The following GALNT13 variants were observed in gnomAD, a reference collection of about 807,000 sequenced individuals.
The protein encoded by GALNT13 is UDP-GalNAc:polypeptide N-acetylgalactosaminyltransferase 13.
GALNT13 carries 28 observed loss-of-function variants against 64.2 expected under a neutral mutation model. The observed-to-expected ratio is 0.44, with a 90% CI of 0.32 to 0.60. The LOEUF is 0.60. GALNT13 is among the 20% of genes least tolerant of loss of function. The pLI is 0.05. For synonymous variants in GALNT13, 214 were observed against 224.6 expected (o/e 0.95, Z 0.42); for missense variants, 577 against 669.8 (o/e 0.86, Z 1.53).
chr2:153,706,736 A>T, the GALNT13 span, among the ~76,000 whole-genome samples: 1 of 152,202 alleles, frequency 6.6e-6, no homozygotes, highest in Admixed American at 6.5e-5. Flanking sequence ...TCCATTTCAA[A>T]TTGCAATTGT....
the GALNT13 span, among the ~76,000 whole-genome samples, chr2:153,569,264 C>T: frequency 0.92 from 139,221 of 152,108 alleles, 63,771 homozygotes; most frequent in Admixed American, 0.93. Context: ...CCAGCCTGTA[C>T]GTTCATGTTA....
At chr2:153,629,391 G>T in the GALNT13 span, among the ~76,000 whole-genome samples, 1 of 151,198 alleles carries the variant, frequency 6.6e-6, no homozygotes, top group Non-Finnish European at 1.5e-5. Context: ...AAAACAAGCA[G>T]TGGGGAAAGG....
chr2:153,612,110 C>T, the GALNT13 span, among the ~76,000 whole-genome samples: 22 of 152,144 alleles, frequency 1.4e-4, no homozygotes, highest in Admixed American at 9.2e-4. Context: ...ATATCATTGA[C>T]GGGCATTTGG....
chr2:153,717,577 A>G, the GALNT13 span, among the ~76,000 whole-genome samples: 3 of 152,360 alleles, frequency 2.0e-5, no homozygotes, highest in South Asian at 2.1e-4. Context: ...TATTGCTTAT[A>G]TAAGACAACA....
chr2:153,350,327 G>C, the GALNT13 span, among the ~76,000 whole-genome samples: 348 of 151,556 alleles, frequency 2.3e-3, 2 homozygotes, highest in African/African-American at 8.1e-3. Context: ...ACTTTTTATA[G>C]CTGCATGCAT....
At chr2:153,274,779 C>T in the GALNT13 span, among the ~76,000 whole-genome samples, 1 of 152,208 alleles carries the variant, frequency 6.6e-6, no homozygotes, top group Non-Finnish European at 1.5e-5. Context: ...TCACCTACTT[C>T]CAGTTGTTTT....
the GALNT13 span, among the ~76,000 whole-genome samples, chr2:153,158,089 G>A: frequency 6.6e-6 from 1 of 152,026 alleles, no homozygotes; most frequent in Non-Finnish European, 1.5e-5. Flanking sequence ...ACAAGCCATA[G>A]GTCTTTTTAA....
intron 11 of GALNT13, among the ~76,000 whole-genome samples, chr2:154,417,546 T>A (rs988651552): frequency 5.2e-5 from 7 of 135,084 alleles, no homozygotes; most frequent in Admixed American, 8.2e-5. Flanking sequence ...AGTCTTGCTC[T>A]GTTGCCCAGG....
At chr2:153,345,667 C>CT in the GALNT13 span, among the ~76,000 whole-genome samples, 1 of 139,062 alleles carries the variant, frequency 7.2e-6, no homozygotes, top group Admixed American at 7.4e-5. Flanking sequence ...TTCTTTCTTT[C>CT]TTTCTTTCTT....
the GALNT13 span, among the ~76,000 whole-genome samples, chr2:153,157,015 A>AAT: frequency 6.6e-6 from 1 of 152,176 alleles, no homozygotes; most frequent in South Asian, 2.1e-4. Flanking sequence ...TAGTGAACTC[A>AAT]ATAGGTAGAA....
intron 7 of GALNT13, among the ~76,000 whole-genome samples, chr2:154,254,871 G>A (rs530077493): frequency 6.6e-6 from 1 of 152,258 alleles, no homozygotes; most frequent in Admixed American, 6.5e-5. Flanking sequence ...TGAATGATCT[G>A]ATCTTACCCA....
At chr2:154,288,420 T>G (rs1692404138) in intron 8 of GALNT13, among the ~76,000 whole-genome samples, 1 of 152,062 alleles carries the variant, frequency 6.6e-6, no homozygotes, top group African/African-American at 2.4e-5. Context: ...AAACCAATCA[T>G]GCCTTCCCAA....
chr2:154,175,053 A>G (rs1325649462), intron 4 of GALNT13, among the ~76,000 whole-genome samples: 1 of 152,158 alleles, frequency 6.6e-6, no homozygotes, highest in Non-Finnish European at 1.5e-5. Context: ...TGAGCAAATA[A>G]TGCATAATAT....
chr2:153,745,149 C>A, the GALNT13 span, among the ~76,000 whole-genome samples: 1 of 151,968 alleles, frequency 6.6e-6, no homozygotes, highest in South Asian at 2.1e-4. Context: ...AAGAGGACAC[C>A]AAACAGAATA....
At position 154,092,009 on chromosome 2, in the gene GALNT13, C is replaced by G. The variant is rs147252426; in HGVS notation, c.143-48328C>G. Among the ~76,000 whole-genome samples, 750 of 147,662 alleles carry G rather than the reference C, an allele frequency of 5.1e-3. 5 individuals are homozygous for G. The highest frequency in any genetic ancestry group is 0.017 in the African/African-American group (663 of 39,946). ...ATAGGCAAAAGCCCCATCTGGCAAC[C>G]GTGTTACTACAAGCTAAGTACAGAG... On this transcript the variant is annotated intron_variant, in intron 3 of 12. Transcript: ENST00000392825.
the GALNT13 span, among the ~76,000 whole-genome samples, chr2:153,334,397 T>C: frequency 1.3e-5 from 2 of 152,194 alleles, no homozygotes; most frequent in African/African-American, 4.8e-5. Flanking sequence ...TACAACTGAC[T>C]TATTCCACTT....
the GALNT13 span, among the ~76,000 whole-genome samples, chr2:153,691,431 C>T: frequency 6.6e-6 from 1 of 151,972 alleles, no homozygotes; most frequent in Non-Finnish European, 1.5e-5. Context: ...TGCTCCTTTC[C>T]CTATGCATAT....
At chr2:154,169,503 T>C (rs559068974) in intron 4 of GALNT13, among the ~76,000 whole-genome samples, 2 of 152,250 alleles carry the variant, frequency 1.3e-5, no homozygotes, top group African/African-American at 4.8e-5. Context: ...GAATGGAATC[T>C]TCTTCCAATC....
At chr2:153,439,403 C>A in the GALNT13 span, among the ~76,000 whole-genome samples, 9 of 152,270 alleles carry the variant, frequency 5.9e-5, no homozygotes, top group Admixed American at 5.9e-4. Flanking sequence ...TTTGTCTGTG[C>A]CCTGCCCCCA....
Sources: allele counts gnomAD v4.1 joint callset (sites outside exome capture counted in the v4.1 genomes callset), GRCh38; gene constraint gnomAD v4.1.1; transcripts MANE v1.5; gene names NCBI Gene and HGNC (gene_info 2026-07-23, HGNC 2026-07-21).